Variants in CDH12 observed in about 807,000 individuals in gnomAD.
CDH12 encodes cadherin-12.
A neutral mutation model predicts 74.1 loss-of-function variants in CDH12; 41 were observed. The observed-to-expected ratio is 0.55, with a 90% CI of 0.43 to 0.72. CDH12 has a LOEUF of 0.72. CDH12 is among the 30% of genes least tolerant of loss of function. The probability of loss-of-function intolerance (pLI) is 0.00; values close to 1 mark genes in which losing one functional copy is unlikely to be tolerated. For synonymous variants in CDH12, 399 were observed against 355.0 expected (o/e 1.12, Z -1.39); for missense variants, 945 against 977.2 (o/e 0.97, Z 0.44).
At chr5:22,366,406 A>G (rs968199017) in intron 3 of CDH12, among the ~76,000 whole-genome samples, 31 of 152,174 alleles carry the variant, frequency 2.0e-4, no homozygotes, top group African/African-American at 7.5e-4. Context: ...AAACAGACTG[A>G]TAGGCAGAAA....
At chr5:21,910,712 T>C (rs2150063136) in intron 6 of CDH12, among the ~76,000 whole-genome samples, 1 of 151,272 alleles carries the variant, frequency 6.6e-6, no homozygotes, top group Non-Finnish European at 1.5e-5. Context: ...CAGTAGAGAA[T>C]GCTGGGATGC....
intron 5 of CDH12, among the ~76,000 whole-genome samples, chr5:22,046,982 CA>C (rs1739998663): frequency 1.3e-5 from 2 of 152,262 alleles, no homozygotes; most frequent in Non-Finnish European, 2.9e-5. Context: ...GCTAGCTGCC[CA>C]CTGTAGTCTC....
intron 3 of CDH12, among the ~76,000 whole-genome samples, chr5:22,340,034 A>G (rs932137899): frequency 6.6e-6 from 1 of 152,226 alleles, no homozygotes; most frequent in Non-Finnish European, 1.5e-5. Context: ...AACACTTACA[A>G]GACGGAAAGT....
intron 8 of CDH12, among the ~76,000 whole-genome samples, chr5:21,823,195 C>CTTT (rs1207480555): frequency 6.6e-6 from 1 of 151,874 alleles, no homozygotes; most frequent in Non-Finnish European, 1.5e-5. Flanking sequence ...AAAAAAACAC[C>CTTT]AGCGCTCTAA....
chr5:21,927,134 A>G (rs1373601393), intron 6 of CDH12, among the ~76,000 whole-genome samples: 5 of 152,184 alleles, frequency 3.3e-5, no homozygotes, highest in Non-Finnish European at 5.9e-5. Flanking sequence ...GTAAGTAGAG[A>G]GGCAGAGTTA....
At chr5:22,265,827 A>C (rs550754857) in intron 3 of CDH12, among the ~76,000 whole-genome samples, 1 of 152,258 alleles carries the variant, frequency 6.6e-6, no homozygotes, top group East Asian at 1.9e-4. Flanking sequence ...ATAAAGCAAT[A>C]TGAACAGGTA....
At chr5:22,537,158 C>T (rs1428641561) in intron 1 of CDH12, among the ~76,000 whole-genome samples, 5 of 152,094 alleles carry the variant, frequency 3.3e-5, no homozygotes, top group African/African-American at 1.2e-4. Context: ...GCACATCAAG[C>T]AAAACTATAA....
At chr5:22,762,184 A>C (rs966800566) in intron 1 of CDH12, among the ~76,000 whole-genome samples, 2 of 152,118 alleles carry the variant, frequency 1.3e-5, no homozygotes, top group South Asian at 2.1e-4. Context: ...ACTCACATGC[A>C]TCTATGTGTA....
chr5:22,015,209 A>G (rs1737527700), intron 5 of CDH12, among the ~76,000 whole-genome samples: 1 of 152,192 alleles, frequency 6.6e-6, no homozygotes, highest in African/African-American at 2.4e-5. Flanking sequence ...CGTTGGAAAA[A>G]GGAAAGAGGA....
At chr5:22,546,843 T>C (rs569798774) in intron 1 of CDH12, among the ~76,000 whole-genome samples, 1 of 152,306 alleles carries the variant, frequency 6.6e-6, no homozygotes, top group African/African-American at 2.4e-5. Flanking sequence ...TCTTAACGCC[T>C]ACATATTTTT....
chr5:22,809,575 TAAG>T (rs1749025587), intron 1 of CDH12, among the ~76,000 whole-genome samples: 1 of 151,882 alleles, frequency 6.6e-6, no homozygotes, highest in Non-Finnish European at 1.5e-5. Flanking sequence ...CTTATCTGGA[TAAG>T]AATATATAAT....
At chr5:22,597,814 T>A (rs1346417516) in intron 1 of CDH12, among the ~76,000 whole-genome samples, 2 of 152,210 alleles carry the variant, frequency 1.3e-5, no homozygotes, top group African/African-American at 2.4e-5. Flanking sequence ...CATAATATTG[T>A]TCAAGTATTT....
chr5:22,794,602 A>T (rs1748092676), intron 1 of CDH12, among the ~76,000 whole-genome samples: 2 of 152,302 alleles, frequency 1.3e-5, no homozygotes, highest in Middle Eastern at 6.8e-3. Context: ...TATTCACAGA[A>T]AAGGACCAAG....
At chr5:22,469,964 T>G (rs1745890381) in intron 2 of CDH12, among the ~76,000 whole-genome samples, 1 of 152,230 alleles carries the variant, frequency 6.6e-6, no homozygotes, top group South Asian at 2.1e-4. Flanking sequence ...TAAGTCTGCA[T>G]GTCTTTTTTC....
chr5:22,270,092 G>A (rs1417055308), intron 3 of CDH12, among the ~76,000 whole-genome samples: 1 of 152,078 alleles, frequency 6.6e-6, no homozygotes, highest in Non-Finnish European at 1.5e-5. Context: ...TTTGGGAAGA[G>A]CTGGGAGTAT....
intron 1 of CDH12, among the ~76,000 whole-genome samples, chr5:22,520,068 A>G (rs982212581): frequency 1.3e-5 from 2 of 152,180 alleles, no homozygotes; most frequent in Non-Finnish European, 2.9e-5. Context: ...TACATTTTAT[A>G]TGTGAGATTT....
intron 3 of CDH12, among the ~76,000 whole-genome samples, chr5:22,242,792 G>A (rs1752796658): frequency 6.6e-6 from 1 of 152,178 alleles, no homozygotes; most frequent in African/African-American, 2.4e-5. Context: ...AAAGACTCAA[G>A]CCACATCCAA....
intron 8 of CDH12, among the ~76,000 whole-genome samples, chr5:21,820,074 G>A (rs1748280382): frequency 6.6e-6 from 1 of 151,892 alleles, no homozygotes; most frequent in African/African-American, 2.4e-5. Flanking sequence ...CCAGAGTTGA[G>A]ATCCTCCAAT....
intron 6 of CDH12, among the ~76,000 whole-genome samples, chr5:21,907,714 T>G (rs1753702494): frequency 6.6e-6 from 1 of 152,216 alleles, no homozygotes; most frequent in African/African-American, 2.4e-5. Context: ...GGATAAAACT[T>G]CTGCTGCTCT....
Sources: gnomAD v4.1 joint callset for allele counts (sites outside exome capture counted in the v4.1 genomes callset) on GRCh38, gnomAD v4.1.1 for gene constraint, MANE v1.5 for transcripts, NCBI Gene and HGNC (gene_info 2026-07-23, HGNC 2026-07-21) for gene names.